Variants in BDP1 observed in about 807,000 individuals in gnomAD.
BDP1 encodes BDP1 general transcription factor IIIB subunit.
In BDP1, 169 loss-of-function variants were observed where a neutral mutation model predicts 266.6. That is an observed-to-expected ratio of 0.63 (90% CI 0.56 to 0.72). The LOEUF is 0.72. Ranked by LOEUF, BDP1 falls within the 30% of genes least tolerant of loss-of-function variation. The pLI is 0.00. For missense variants in BDP1, 3,015 were observed against 3,053.8 expected (o/e 0.99, Z 0.30); for synonymous variants, 1,090 against 1,022.4 (o/e 1.07, Z -1.26).
rs1743941860 is a variant in BDP1 at position 71,565,023 on chromosome 5, T to C, written c.*138T>C. ...GATTTTGAATACTTAATGAGCTTGA[T>C]TTGAAGCTTTTATAATCAGTGGAAA... On this transcript the variant is annotated 3_prime_UTR_variant, in exon 39 of 39. Transcript: ENST00000358731. The C allele has an allele frequency of 1.3e-6, 1 of 758,496 alleles. No homozygotes were observed. Among genetic ancestry groups the C allele is most frequent in the Non-Finnish European group, 2.1e-6 (1 of 486,002 alleles). 47.0% of individuals were successfully genotyped at this position (758,496 alleles called of 1,614,324 possible). A position where few individuals can be genotyped will look rare whatever the true frequency, so the allele number is the denominator to read the frequency against.
At chr5:71,515,867 T>C (rs1316109971) in intron 20 of BDP1, among the ~76,000 whole-genome samples, 194 bp from the exon 21 acceptor site, 1 of 152,200 alleles carries the variant, frequency 6.6e-6, no homozygotes. Flanking sequence ...TATAAGTTTA[T>C]TACCTTTTAA....
At chr5:71,499,474 C>G (rs543252892) in intron 13 of BDP1, among the ~76,000 whole-genome samples, 33 of 152,194 alleles carry the variant, frequency 2.2e-4, no homozygotes, top group African/African-American at 7.7e-4. Context: ...AAAAAATTAG[C>G]TGGGCATTGT....
intron 6 of BDP1, among the ~76,000 whole-genome samples, chr5:71,468,469 A>T (rs991736037): frequency 0.01 from 1,487 of 147,850 alleles, 19 homozygotes; most frequent in African/African-American, 0.035. Context: ...TTTTTTTTTT[A>T]ATTTCTTTCA....
At chr5:71,543,281 CAAAAAAA>C (rs1164666247) in intron 30 of BDP1, among the ~76,000 whole-genome samples, 9 of 150,810 alleles carry the variant, frequency 6.0e-5, no homozygotes, top group Non-Finnish European at 1.3e-4. Flanking sequence ...GACTTCATCT[CAAAAAAA>C]GAAAAAAGAA....
In BDP1 at chr5:71,496,099, G is replaced by A. The variant is rs984631330; in HGVS notation, c.1799+691G>A. On this transcript the variant is annotated intron_variant, in intron 12 of 38. Transcript: ENST00000358731. ...CTGCTAAAAATACAAAAAATTAGCCGGGTGTGGTGGCATGCACCTGTAGTC... is the reference window on the plus strand; with the variant it reads ...CTGCTAAAAATACAAAAAATTAGCCAGGTGTGGTGGCATGCACCTGTAGTC... 1.3e-4 allele frequency among the ~76,000 whole-genome samples: 19 copies of A among 151,918 alleles called. 1 individual carries two copies. The highest frequency in any genetic ancestry group is 2.6e-4 in the Admixed American group (4 of 15,236).
intron 14 of BDP1, among the ~76,000 whole-genome samples, chr5:71,502,119 T>C (rs1021646602): frequency 1.3e-5 from 2 of 152,096 alleles, no homozygotes; most frequent in Non-Finnish European, 2.9e-5. Flanking sequence ...TTTCCAATTT[T>C]GTAATAAAAT....
In BDP1 at chr5:71,512,293, G is replaced by T; in HGVS notation, c.4112G>T (p.Arg1371Ile). Residue 1371 changes from arginine (R) to isoleucine (I), a missense_variant, in exon 18 of 39, where the codon AGA becomes ATA. This residue lies in a region of BDP1 where 2,383 missense variants were observed against 2,404.9 expected (regional missense o/e 0.99). Coordinates refer to ENST00000358731, the MANE Select transcript of BDP1 (RefSeq NM_018429.3). ...ATGCATACACCTGTAGAAGAAAAAAGAAATTCTGAAAAAGAAGTATCAAGT... is the reference window on the plus strand; with the variant it reads ...ATGCATACACCTGTAGAAGAAAAAATAAATTCTGAAAAAGAAGTATCAAGT... Reference protein sequence around the residue: ...SMMHTPVEEKRNSEKEVSSHF... With the variant: ...SMMHTPVEEKINSEKEVSSHF... The T allele has an allele frequency of 6.3e-7, 1 of 1,591,986 alleles. No individual in the cohort carries two copies. The highest frequency in any genetic ancestry group is 8.5e-7 in the Non-Finnish European group (1 of 1,173,672).
intron 25 of BDP1, among the ~76,000 whole-genome samples, chr5:71,531,212 G>A (rs1309465677): frequency 6.6e-6 from 1 of 152,008 alleles, no homozygotes; most frequent in Non-Finnish European, 1.5e-5. Context: ...GGCCATCATC[G>A]CACCACCGCA....
At chr5:71,471,138 C>CTTTTT (rs869292040) in intron 7 of BDP1, among the ~76,000 whole-genome samples, 44 of 115,058 alleles carry the variant, frequency 3.8e-4, no homozygotes, top group African/African-American at 8.2e-4. Context: ...TTAAGGGTAG[C>CTTTTT]TTTTTTTTTT....
intron 38 of BDP1, chr5:71,562,999 T>G: frequency 1.3e-6 from 1 of 776,798 alleles, no homozygotes; most frequent in East Asian, 6.5e-5. Context: ...GAGCATCTGT[T>G]GAACAGCATG....
chr5:71,552,319 G>A (rs1327977464), intron 34 of BDP1, among the ~76,000 whole-genome samples: 2 of 142,038 alleles, frequency 1.4e-5, no homozygotes, highest in Admixed American at 6.9e-5. Context: ...GGGAAGAGGC[G>A]CTCCTCACTT....
At chr5:71,553,393 A>G (rs925813424) in intron 35 of BDP1, 73 bp downstream of exon 35, 1 of 1,020,090 alleles carries the variant, frequency 9.8e-7, no homozygotes. Context: ...ATCTGTTCCT[A>G]TTTTTTCCTT....
chr5:71,517,443 A>T lies in BDP1; in HGVS notation c.4982A>T (p.Glu1661Val), dbSNP rs1305979017. 7 of 1,583,060 alleles carry T rather than the reference A, an allele frequency of 4.4e-6. No individual in the cohort carries two copies. The highest frequency in any genetic ancestry group is 2.0e-5 in the Admixed American group (1 of 50,998). The stretch of plus-strand genomic sequence containing the variant: ...AACCTTCATGTTAACAAAACAAATG[A>T]AACAATCAGGTGAGTTTGCTTTTAA... The part of the protein sequence containing the change: ...VENLHVNKTN[E>V]TIRHENKPYV... The change falls in exon 22 of 39, where the codon GAA becomes GTA. Residue 1661 changes from glutamate (E) to valine (V), a missense_variant. By Grantham distance (121) the Glu-to-Val change is moderately radical (BLOSUM62 -2). Around this residue, in one of 3 missense-constraint regions of BDP1, gnomAD observed 2,383 missense variants for 2,404.9 expected, o/e 0.99. Coordinates refer to ENST00000358731, the MANE Select transcript of BDP1 (RefSeq NM_018429.3).
intron 35 of BDP1, among the ~76,000 whole-genome samples, chr5:71,554,122 C>G (rs558312337): frequency 5.2e-4 from 79 of 152,238 alleles, no homozygotes; most frequent in South Asian, 1.7e-3. Context: ...ACCAATAGTT[C>G]TTGAGTAATA....
chr5:71,472,886 CTCTTTTTTTTTTTTT>C (rs1190832203), intron 7 of BDP1, among the ~76,000 whole-genome samples: 33 of 121,840 alleles, frequency 2.7e-4, no homozygotes, highest in Non-Finnish European at 3.4e-5. Flanking sequence ...TTCTCTCTCT[CTCTTTTTTTTTTTTT>C]TTTTTTTTTT....
At position 71,560,007 on chromosome 5, in the gene BDP1, T is replaced by G; in HGVS notation, c.7266T>G (p.Ile2422Met). The G allele has an allele frequency of 6.2e-7, 1 of 1,613,846 alleles. No individual in the cohort carries two copies. Among genetic ancestry groups the G allele is most frequent in the Non-Finnish European group, 8.5e-7 (1 of 1,180,010 alleles). The change falls in exon 37 of 39, where the codon ATT (isoleucine) becomes ATG (methionine). Residue 2422 changes from isoleucine to methionine, a missense_variant. Physicochemically the swap from Ile to Met is conservative, Grantham distance 10. This residue lies in a region of BDP1 where 629 missense variants were observed against 632.5 expected (regional missense o/e 0.99). Transcript: ENST00000358731. ...ETGESHKGQD[I>M]FLTSGSTLTT... is the part of the protein sequence containing the mutation. ...GGGAGTCTCACAAGGGACAAGATAT[T>G]TTTCTTACCTCAGGAAGCACACTGA...
rs141573220 is a variant in BDP1 at position 71,544,879 on chromosome 5, CAAAAA to C, written c.6564-137_6564-133del. On this transcript the variant is annotated intron_variant, in intron 31 of 38. Transcript: ENST00000358731. The stretch of plus-strand genomic sequence containing the variant: ...TGGGCGACAGAGTGAGACTCTGTCT[CAAAAA>C]AAAAAAAAAAAAAAAAAAAAAAGTC... Among the ~76,000 whole-genome samples the C allele has an allele frequency of 8.3e-3, 237 of 28,522 alleles. 5 individuals carry two copies. The highest frequency in any genetic ancestry group is 0.017 in the South Asian group (7 of 404). The allele number at this position is 28,522 out of a possible 152,430, so 18.7% of individuals were successfully genotyped here. A position where few individuals can be genotyped will look rare whatever the true frequency, so the allele number is the denominator to read the frequency against.
rs1371480965 is a variant in BDP1, at chr5:71,510,813, C to G, written c.3721C>G (p.Leu1241Val). ...REEISQREKVLAEFSAIREKE... is the reference protein window; with the variant it reads ...REEISQREKVVAEFSAIREKE... ...AGAAATTTCCCAAAGGGAAAAGGTG[C>G]TAGCAGAGTTCAGTGCTATAAGGGA... Residue 1241 changes from leucine (L) to valine (V), a missense_variant, in exon 17 of 39, where the codon CTA becomes GTA. Transcript: ENST00000358731. The G allele has an allele frequency of 6.2e-7, 1 of 1,613,394 alleles. No individual in the cohort carries two copies. The highest frequency in any genetic ancestry group is 1.3e-5 in the African/African-American group (1 of 74,790).
intron 6 of BDP1, among the ~76,000 whole-genome samples, chr5:71,469,891 G>T (rs1049952258): frequency 1.3e-5 from 2 of 148,634 alleles, no homozygotes; most frequent in Admixed American, 6.8e-5. Flanking sequence ...GCCCAGGTTG[G>T]AGTGCAATGG....
Sources: gnomAD v4.1 joint callset for allele counts (sites outside exome capture counted in the v4.1 genomes callset) on GRCh38, gnomAD v4.1.1 for gene constraint, gnomAD v4.1.1 regional missense constraint, MANE v1.5 for transcripts, NCBI Gene and HGNC (gene_info 2026-07-23, HGNC 2026-07-21) for gene names.